Variants in CACNB4 observed in about 807,000 individuals in gnomAD.
CACNB4 encodes calcium voltage-gated channel auxiliary subunit beta 4.
In CACNB4, 32 loss-of-function variants were observed where a neutral mutation model predicts 71.2. The observed-to-expected ratio is 0.45, with a 90% CI of 0.34 to 0.60. The LOEUF is 0.60. Ranked by LOEUF, CACNB4 falls within the 20% of genes least tolerant of loss-of-function variation. The pLI, the probability that CACNB4 is intolerant of heterozygous loss-of-function variation, is 0.01. For synonymous variants in CACNB4, 231 were observed against 236.9 expected (o/e 0.97, Z 0.23); for missense variants, 464 against 647.9 (o/e 0.72, Z 3.08).
intron 2 of CACNB4, among the ~76,000 whole-genome samples, chr2:151,909,797 C>T (rs1289338342): frequency 6.6e-6 from 1 of 152,140 alleles, no homozygotes; most frequent in East Asian, 1.9e-4. Flanking sequence ...TTCTTTTATC[C>T]AGTCTATGAT....
intron 2 of CACNB4, among the ~76,000 whole-genome samples, chr2:151,913,676 G>A (rs1035903027): frequency 2.0e-5 from 3 of 147,206 alleles, no homozygotes; most frequent in African/African-American, 5.0e-5. Flanking sequence ...TGAGGCAGGC[G>A]AATGGCATGA....
intron 2 of CACNB4, among the ~76,000 whole-genome samples, chr2:152,067,802 G>A (rs1457620646): frequency 6.6e-6 from 1 of 152,160 alleles, no homozygotes; most frequent in African/African-American, 2.4e-5. Flanking sequence ...CTGGGATGAG[G>A]TACATATGGA....
chr2:152,018,482 A>T (rs1683471672), intron 2 of CACNB4, among the ~76,000 whole-genome samples: 1 of 152,144 alleles, frequency 6.6e-6, no homozygotes, highest in Non-Finnish European at 1.5e-5. Flanking sequence ...TCAAATATTT[A>T]TTAGATTTTG....
intron 2 of CACNB4, among the ~76,000 whole-genome samples, chr2:151,963,181 G>A (rs2099870108): frequency 2.0e-5 from 3 of 151,884 alleles, no homozygotes; most frequent in South Asian, 2.1e-4. Context: ...GCGTGGTGAC[G>A]GGCACCTGTA....
chr2:152,002,096 T>A (rs994531754), intron 2 of CACNB4, among the ~76,000 whole-genome samples: 3 of 152,192 alleles, frequency 2.0e-5, no homozygotes, highest in African/African-American at 7.2e-5. Flanking sequence ...TCAGGCATGA[T>A]CATGGATATG....
intron 2 of CACNB4, among the ~76,000 whole-genome samples, chr2:151,914,098 CCTT>C (rs1319279760): frequency 1.3e-5 from 2 of 152,162 alleles, no homozygotes; most frequent in Non-Finnish European, 2.9e-5. Context: ...CTCTCCATCT[CCTT>C]CTGGTATCCC....
chr2:152,066,140 C>T (rs1386264699), intron 2 of CACNB4, among the ~76,000 whole-genome samples: 1 of 152,176 alleles, frequency 6.6e-6, no homozygotes, highest in Non-Finnish European at 1.5e-5. Flanking sequence ...TGGCCACGTA[C>T]ATGCAGGCTC....
chr2:151,849,583 G>A (rs1001508946), intron 12 of CACNB4, among the ~76,000 whole-genome samples: 10 of 152,126 alleles, frequency 6.6e-5, no homozygotes, highest in African/African-American at 2.4e-4. Context: ...CTCTTTGTGA[G>A]TATTTTGATA....
chr2:151,931,964 T>C (rs2099861746), intron 2 of CACNB4, among the ~76,000 whole-genome samples: 1 of 152,100 alleles, frequency 6.6e-6, no homozygotes, highest in Non-Finnish European at 1.5e-5. Context: ...ACAATACCAT[T>C]TTCTGTAAAA....
chr2:151,881,822 T>C (rs2099847936), intron 3 of CACNB4, among the ~76,000 whole-genome samples: 2 of 151,518 alleles, frequency 1.3e-5, no homozygotes, highest in Admixed American at 1.3e-4. Context: ...AGTACAGACA[T>C]CATAGGTGTT....
intron 2 of CACNB4, among the ~76,000 whole-genome samples, chr2:152,055,724 TC>T (rs1179209151): frequency 1.3e-5 from 2 of 152,108 alleles, no homozygotes; most frequent in African/African-American, 2.4e-5. Context: ...AAGGCTGATT[TC>T]CCCCCTGATT....
rs935319752 is a variant in CACNB4 at position 151,941,270 on chromosome 2, G to C, written c.148-57900C>G. On this transcript the variant is annotated intron_variant, in intron 2 of 13. Transcript: ENST00000539935. ...AGCACTGAATTGTTCAGTTTAAAAT[G>C]GTTAATTTTTTTTTTTTTTTTTTTT... 3.4e-4 allele frequency among the ~76,000 whole-genome samples: 50 copies of C among 146,102 alleles called. 1 individual carries two copies. Among genetic ancestry groups the C allele is most frequent in the Non-Finnish European group, 7.5e-5 (5 of 66,918 alleles).
chr2:151,957,411 A>C (rs2099868591), intron 2 of CACNB4, among the ~76,000 whole-genome samples: 1 of 152,052 alleles, frequency 6.6e-6, no homozygotes. Context: ...ATTCATTCCA[A>C]CAACCATTTA....
At chr2:151,969,480 C>T (rs2099871964) in intron 2 of CACNB4, 1 of 152,202 alleles carries the variant, frequency 6.6e-6, no homozygotes, top group South Asian at 2.1e-4. Context: ...CTTGAGGCTG[C>T]TTTGCCTTTC....
intron 2 of CACNB4, among the ~76,000 whole-genome samples, chr2:151,885,754 T>C (rs1190422679): frequency 6.6e-6 from 1 of 152,196 alleles, no homozygotes; most frequent in Non-Finnish European, 1.5e-5. Flanking sequence ...AACTGAATTA[T>C]AATCAAATTC....
intron 2 of CACNB4, among the ~76,000 whole-genome samples, chr2:152,064,492 T>C (rs546765328): frequency 1.3e-5 from 2 of 152,206 alleles, no homozygotes; most frequent in African/African-American, 4.8e-5. Flanking sequence ...GCGATTCTCC[T>C]GCCTCAGCCT....
rs2099855869 is a variant in CACNB4 at position 151,910,296 on chromosome 2, C to A, written c.148-26926G>T. ...AGACCTTTGTCACATGGGTAGATTG[C>A]AACAATTTTCTCCCATTCTGTAGGT... On this transcript the variant is annotated intron_variant, in intron 2 of 13. Transcript: ENST00000539935. Among the ~76,000 whole-genome samples, 3 of 152,118 alleles carry A rather than the reference C, an allele frequency of 2.0e-5. No individual in the cohort carries two copies. In the South Asian group the frequency reaches 6.2e-4, roughly 32 times the overall value.
chr2:152,043,203 G>A (rs938697068), intron 2 of CACNB4, among the ~76,000 whole-genome samples: 13 of 152,058 alleles, frequency 8.5e-5, no homozygotes, highest in African/African-American at 2.2e-4. Context: ...GCCACTGCTC[G>A]CCTATGGAGC....
chr2:152,080,666 T>C (rs1340044529), intron 2 of CACNB4, among the ~76,000 whole-genome samples: 1 of 152,154 alleles, frequency 6.6e-6, no homozygotes, highest in Non-Finnish European at 1.5e-5. Flanking sequence ...TTTCCATCAG[T>C]TCATTGTATT....
Sources: allele counts gnomAD v4.1 joint callset (sites outside exome capture counted in the v4.1 genomes callset), GRCh38; gene constraint gnomAD v4.1.1; transcripts MANE v1.5; gene names NCBI Gene and HGNC (gene_info 2026-07-23, HGNC 2026-07-21).